NLGN1: variants seen among roughly 807,000 people sequenced by gnomAD.
The protein encoded by NLGN1 is neuroligin 1.
NLGN1 carries 12 observed loss-of-function variants against 65.5 expected under a neutral mutation model. The observed-to-expected ratio is 0.18, with a 90% confidence interval of 0.12 to 0.30. The LOEUF is 0.30. NLGN1 is among the 10% of genes least tolerant of loss of function. The probability of loss-of-function intolerance (pLI) is 1.00; values close to 1 mark genes in which losing one functional copy is unlikely to be tolerated. For missense variants in NLGN1, 750 were observed against 1,007.1 expected, an observed-to-expected ratio of 0.74 and a Z score of 3.46; for synonymous variants, 350 against 359.5, an observed-to-expected ratio of 0.97 and a Z score of 0.30.
At chr3:174,069,036 A>T (rs538706286) in intron 4 of NLGN1, among the ~76,000 whole-genome samples, 1 of 152,258 alleles carries the variant, frequency 6.6e-6, no homozygotes, top group South Asian at 2.1e-4. Context: ...TGGTGGACTT[A>T]AGGAGGATAA....
chr3:173,737,792 A>G (rs1460867053), intron 3 of NLGN1, among the ~76,000 whole-genome samples: 3 of 152,022 alleles, frequency 2.0e-5, no homozygotes, highest in Admixed American at 6.6e-5. Context: ...GTGCTGCACC[A>G]TATGATAACC....
At chr3:173,596,791 T>G (rs555652475) in intron 2 of NLGN1, among the ~76,000 whole-genome samples, 79 of 152,298 alleles carry the variant, frequency 5.2e-4, no homozygotes, top group African/African-American at 1.9e-3. Flanking sequence ...GTAAACCCTT[T>G]TTGGCCTTGG....
intron 4 of NLGN1, among the ~76,000 whole-genome samples, chr3:174,155,180 T>A (rs1036294475): frequency 6.7e-6 from 1 of 150,308 alleles, no homozygotes; most frequent in East Asian, 1.9e-4. Flanking sequence ...ATAACTTGCA[T>A]TTTTTTTATT....
intron 2 of NLGN1, among the ~76,000 whole-genome samples, chr3:173,507,744 T>A (rs1337712283): frequency 6.6e-6 from 1 of 152,126 alleles, no homozygotes; most frequent in African/African-American, 2.4e-5. Context: ...TGACTATAAG[T>A]ATTACATTAT....
intron 4 of NLGN1, among the ~76,000 whole-genome samples, chr3:173,866,276 C>G (rs567394424): frequency 6.6e-6 from 1 of 152,074 alleles, no homozygotes; most frequent in African/African-American, 2.4e-5. Context: ...CGCTTGAACC[C>G]GGGAGGCGGA....
intron 2 of NLGN1, among the ~76,000 whole-genome samples, chr3:173,517,493 T>C (rs2149119476): frequency 6.6e-6 from 1 of 152,196 alleles, no homozygotes; most frequent in Non-Finnish European, 1.5e-5. Flanking sequence ...AAATTATTTA[T>C]TCAAAACATA....
chr3:173,800,031 G>A (rs546014870), intron 3 of NLGN1, among the ~76,000 whole-genome samples: 3 of 139,196 alleles, frequency 2.2e-5, no homozygotes, highest in African/African-American at 8.0e-5. Flanking sequence ...AAAAGTCTTT[G>A]CTCATGACTT....
intron 4 of NLGN1, among the ~76,000 whole-genome samples, chr3:173,942,061 G>T (rs1024209013): frequency 1.0e-4 from 15 of 150,458 alleles, no homozygotes; most frequent in African/African-American, 3.7e-4. Context: ...CTTGTGTTTG[G>T]AATATTTTTC....
chr3:174,214,434 A>G (rs1326988217), intron 4 of NLGN1, among the ~76,000 whole-genome samples: 3 of 152,206 alleles, frequency 2.0e-5, no homozygotes, highest in Non-Finnish European at 4.4e-5. Context: ...AGTGTTCCCT[A>G]TTAAATATGT....
At chr3:173,815,046 CTTTT>C (rs1379805849) in intron 4 of NLGN1, among the ~76,000 whole-genome samples, 3 of 147,900 alleles carry the variant, frequency 2.0e-5, no homozygotes, top group African/African-American at 7.5e-5. Flanking sequence ...CCCTTTCTTT[CTTTT>C]TCTTTCTCTC....
At chr3:173,871,458 G>C (rs545847670) in intron 4 of NLGN1, among the ~76,000 whole-genome samples, 1 of 152,264 alleles carries the variant, frequency 6.6e-6, no homozygotes, top group South Asian at 2.1e-4. Context: ...ACTAGACGTA[G>C]ACAGATCTTG....
intron 1 of NLGN1, among the ~76,000 whole-genome samples, chr3:173,408,601 C>T (rs984747706): frequency 5.3e-5 from 8 of 152,088 alleles, no homozygotes. Flanking sequence ...GTAAACATGG[C>T]CTCTATAACT....
intron 4 of NLGN1, among the ~76,000 whole-genome samples, chr3:173,842,931 C>T (rs1424688936): frequency 6.6e-6 from 1 of 152,194 alleles, no homozygotes; most frequent in African/African-American, 2.4e-5. Flanking sequence ...TCCACACTGC[C>T]CTAGCAGAGG....
intron 4 of NLGN1, among the ~76,000 whole-genome samples, chr3:174,006,950 C>T (rs1000393372): frequency 1.6e-4 from 24 of 152,228 alleles, no homozygotes; most frequent in Admixed American, 5.2e-4. Context: ...TTCCTGTAAT[C>T]CCAGCTACTT....
chr3:173,589,266 T>C (rs1443044973), intron 2 of NLGN1, among the ~76,000 whole-genome samples: 1 of 152,198 alleles, frequency 6.6e-6, no homozygotes, highest in African/African-American at 2.4e-5. Context: ...GTACATAATA[T>C]TAGTTCACTT....
chr3:173,459,659 TG>T (rs1723049105), intron 2 of NLGN1, among the ~76,000 whole-genome samples: 1 of 152,146 alleles, frequency 6.6e-6, no homozygotes, highest in Non-Finnish European at 1.5e-5. Context: ...AGGAAATTAA[TG>T]TCTAGTTAAA....
chr3:173,685,323 G>T (rs926958770), intron 3 of NLGN1, among the ~76,000 whole-genome samples: 2 of 152,148 alleles, frequency 1.3e-5, no homozygotes, highest in African/African-American at 4.8e-5. Flanking sequence ...TTTATGTATG[G>T]TTAAGACATA....
At chr3:173,422,642 C>T (rs1410289597) in intron 1 of NLGN1, among the ~76,000 whole-genome samples, 1 of 151,792 alleles carries the variant, frequency 6.6e-6, no homozygotes, top group Non-Finnish European at 1.5e-5. Context: ...ATTTTTTTGT[C>T]TTTTTGATCA....
At chr3:173,419,020 CTTTTTTTTTTTTTTTTTT>C (rs59051811) in intron 1 of NLGN1, among the ~76,000 whole-genome samples, 8 of 12,264 alleles carry the variant, frequency 6.5e-4, no homozygotes, top group East Asian at 4.0e-3. Context: ...TCTTCTTCTT[CTTTTTTTTTTTTTTTTTT>C]TTTTTTTTTT....
Sources: gnomAD v4.1 joint callset for allele counts (sites outside exome capture counted in the v4.1 genomes callset) on GRCh38, gnomAD v4.1.1 for gene constraint, MANE v1.5 for transcripts, NCBI Gene and HGNC (gene_info 2026-07-23, HGNC 2026-07-21) for gene names.